SHROOM4: variants seen among roughly 807,000 people sequenced by gnomAD.
SHROOM4 encodes the protein protein Shroom4.
Under a neutral mutation model 80.3 loss-of-function variants are expected in SHROOM4, and 17 were observed. The ratio of observed to expected loss-of-function variants is 0.21; its 90% CI spans 0.14 to 0.32. The LOEUF (loss-of-function observed/expected upper bound fraction) is 0.32. Ranked by LOEUF, SHROOM4 falls within the 10% of genes least tolerant of loss-of-function variation. SHROOM4 has a pLI of 1.00. For missense variants in SHROOM4, 993 were observed against 1,140.3 expected (o/e 0.87, Z 1.86); for synonymous variants, 400 against 437.5 (o/e 0.91, Z 1.07).
chrX:50,765,697 T>C (rs1935260092), intron 1 of SHROOM4, among the ~76,000 whole-genome samples: 1 of 112,227 alleles, frequency 8.9e-6, no homozygotes, highest in South Asian at 3.7e-4. Flanking sequence ...TGCACACATC[T>C]ACCTCATTCA....
At chrX:50,645,796 T>C (rs2147327959) in intron 2 of SHROOM4, among the ~76,000 whole-genome samples, 1 of 111,697 alleles carries the variant, frequency 9.0e-6, no homozygotes, top group East Asian at 2.8e-4. Flanking sequence ...AGATGACTGC[T>C]TCTTTTCCAA....
At chrX:50,813,816 C>T (rs1319361241) in intron 1 of SHROOM4, 86 bp downstream of exon 1, 19 of 738,258 alleles carry the variant, frequency 2.6e-5, no homozygotes, top group Admixed American at 2.6e-4. Flanking sequence ...CAAAGTTGGC[C>T]TGAGGGCCCC....
chrX:50,799,030 T>A (rs1367351304), intron 1 of SHROOM4, among the ~76,000 whole-genome samples: 1 of 112,242 alleles, frequency 8.9e-6, no homozygotes, highest in Admixed American at 9.4e-5. Context: ...CTAGCAGCCA[T>A]GTCCTTCCTA....
intron 3 of SHROOM4, 103 bp from the exon 4 acceptor site, chrX:50,635,771 A>T: frequency 3.8e-5 from 24 of 624,205 alleles, no homozygotes; most frequent in Non-Finnish European, 5.7e-5. Flanking sequence ...AAAAGAGAGG[A>T]GGGTAGGCAA....
the SHROOM4 span, among the ~76,000 whole-genome samples, chrX:50,581,439 A>G: frequency 1.8e-5 from 2 of 111,568 alleles, no homozygotes; most frequent in Non-Finnish European, 3.8e-5. Flanking sequence ...GATGAATAAC[A>G]TATACTGACA....
intron 2 of SHROOM4, among the ~76,000 whole-genome samples, chrX:50,686,233 C>T (rs1933069079): frequency 9.1e-6 from 1 of 110,052 alleles, no homozygotes; most frequent in Non-Finnish European, 1.9e-5. Context: ...GATGGGGTTT[C>T]ACCGTGTTAG....
chrX:50,799,472 C>T (rs1936076218), intron 1 of SHROOM4, among the ~76,000 whole-genome samples: 1 of 111,436 alleles, frequency 9.0e-6, no homozygotes, highest in Non-Finnish European at 1.9e-5. Flanking sequence ...GACAGTTAAC[C>T]ACCAATGAGA....
At chrX:50,707,450 A>G (rs1338398813) in intron 1 of SHROOM4, among the ~76,000 whole-genome samples, 1 of 112,208 alleles carries the variant, frequency 8.9e-6, no homozygotes, top group Non-Finnish European at 1.9e-5. Context: ...TATCTGTAGC[A>G]TGCATTCAGT....
At chrX:50,639,782 A>T (rs1931517339) in intron 2 of SHROOM4, among the ~76,000 whole-genome samples, 1 of 111,768 alleles carries the variant, frequency 8.9e-6, no homozygotes, top group Admixed American at 9.4e-5. Flanking sequence ...GCCTAAAAAG[A>T]TAGTCTTCAG....
At chrX:50,608,331 T>C (rs1285929656) in intron 5 of SHROOM4, 147 bp from the exon 6 acceptor site, 2 of 496,180 alleles carry the variant, frequency 4.0e-6, no homozygotes, top group East Asian at 3.7e-5. Flanking sequence ...AATAATATTA[T>C]AATAATGATA....
intron 1 of SHROOM4, among the ~76,000 whole-genome samples, chrX:50,714,074 T>C (rs1180967713): frequency 8.9e-6 from 1 of 112,064 alleles, no homozygotes; most frequent in Admixed American, 9.5e-5. Context: ...GAAAAGGGTG[T>C]CCTTTCCCCA....
rs985789079 is a variant in SHROOM4, at chrX:50,635,516, C to T, written c.557G>A (p.Arg186His). Reference protein sequence around the residue: ...PIDQNMYPNQRDSAYSSFSAS... With the variant: ...PIDQNMYPNQHDSAYSSFSAS... ...CGAGAAGGAGCTGTAGGCTGAGTCA[C>T]GCTGGTTAGGGTACATGTTCTGGTC... The change falls in exon 4 of 9, where the codon CGT becomes CAT. Residue 186 changes from arginine to histidine, a missense_variant. Transcript: ENST00000376020. The T allele has an allele frequency of 7.4e-6, 9 of 1,208,844 alleles. No homozygotes were observed. Among genetic ancestry groups the T allele is most frequent in the Admixed American group, 2.2e-5 (1 of 45,684 alleles).
chrX:50,788,024 A>G (rs1321857553), intron 1 of SHROOM4, among the ~76,000 whole-genome samples: 1 of 112,396 alleles, frequency 8.9e-6, no homozygotes, highest in Non-Finnish European at 1.9e-5. Flanking sequence ...AGTTAAATAT[A>G]TAAACAAATA....
the SHROOM4 span, among the ~76,000 whole-genome samples, chrX:50,580,663 C>A: frequency 9.0e-6 from 1 of 111,340 alleles, no homozygotes; most frequent in Non-Finnish European, 1.9e-5. Flanking sequence ...GTGCCTCATG[C>A]CTGTAATCCT....
chrX:50,625,062 C>CTAATGGCATG (rs1308149369), intron 5 of SHROOM4, among the ~76,000 whole-genome samples: 1 of 111,505 alleles, frequency 9.0e-6, no homozygotes, highest in Non-Finnish European at 1.9e-5. Context: ...TCATATATTG[C>CTAATGGCATG]TAATGGCATG....
At chrX:50,632,529 G>A (rs1014436474) in intron 4 of SHROOM4, among the ~76,000 whole-genome samples, 10 of 111,979 alleles carry the variant, frequency 8.9e-5, no homozygotes, top group African/African-American at 3.3e-4. Flanking sequence ...GGATATAAGA[G>A]CAGCCAGTTT....
At chrX:50,676,237 A>T (rs1932852465) in intron 2 of SHROOM4, among the ~76,000 whole-genome samples, 1 of 111,337 alleles carries the variant, frequency 9.0e-6, no homozygotes, top group African/African-American at 3.3e-5. Flanking sequence ...CCTAGGGTTG[A>T]CAGGGAAAAA....
intron 1 of SHROOM4, among the ~76,000 whole-genome samples, chrX:50,702,018 A>T (rs1365575256): frequency 8.9e-6 from 1 of 112,209 alleles, no homozygotes; most frequent in African/African-American, 3.2e-5. Context: ...TATTAAAAGA[A>T]CTACAAATCA....
rs782016484 is a variant in SHROOM4 at position 50,591,702 on chromosome X, C to CT, written c.*4992dup. The CT allele has an allele frequency of 5.4e-3, 223 of 40,933 alleles. No homozygotes were observed. The highest frequency in any genetic ancestry group is 0.017 in the African/African-American group (183 of 10,982). The allele number at this position is 40,933 out of a possible 1,213,427, so 3.4% of individuals were successfully genotyped here. Reference sequence around the variant, plus strand: ...CTTTCTTTCTTTCTTTCTTTTCTTTCTTTCTTTCTTTCTTTCTTTCTTTCT... The same window carrying CT: ...CTTTCTTTCTTTCTTTCTTTTCTTTCTTTTCTTTCTTTCTTTCTTTCTTTCT... On this transcript the variant is annotated 3_prime_UTR_variant, in exon 9 of 9. Coordinates refer to ENST00000376020, the MANE Select transcript of SHROOM4 (RefSeq NM_020717.5).
Sources: gnomAD v4.1 joint callset for allele counts (sites outside exome capture counted in the v4.1 genomes callset) on GRCh38, gnomAD v4.1.1 for gene constraint, MANE v1.5 for transcripts, NCBI Gene and HGNC (gene_info 2026-07-23, HGNC 2026-07-21) for gene names.